The following REV3L variants were observed in gnomAD, a reference collection of about 807,000 sequenced individuals.
The protein encoded by REV3L is REV3 like, DNA directed polymerase zeta catalytic subunit.
A neutral mutation model predicts 299.4 loss-of-function variants in REV3L; 69 were observed. The ratio of observed to expected loss-of-function variants is 0.23; its 90% CI spans 0.19 to 0.28. The LOEUF is 0.28. Ranked by LOEUF, REV3L falls within the 10% of genes least tolerant of loss-of-function variation. REV3L has a pLI of 1.00. For synonymous variants in REV3L, 1,238 were observed against 1,271.4 expected, an observed-to-expected ratio of 0.97 and a Z score of 0.56; for missense variants, 3,128 against 3,693.8, an observed-to-expected ratio of 0.85 and a Z score of 3.97.
chr6:111,400,869 A>G (rs977686093), intron 4 of REV3L, among the ~76,000 whole-genome samples: 1 of 152,114 alleles, frequency 6.6e-6, no homozygotes, highest in African/African-American at 2.4e-5. Context: ...AAGTATTTTA[A>G]TTATTATTTA....
At chr6:111,446,562 G>A (rs758078541) in intron 1 of REV3L, among the ~76,000 whole-genome samples, 4 of 152,104 alleles carry the variant, frequency 2.6e-5, no homozygotes, top group African/African-American at 4.8e-5. Flanking sequence ...TTAGCCAGGC[G>A]AGTTGGCAGG....
chr6:111,388,738 A>G (rs1281323355), intron 7 of REV3L, among the ~76,000 whole-genome samples: 4 of 152,184 alleles, frequency 2.6e-5, no homozygotes, highest in Non-Finnish European at 5.9e-5. Context: ...TCAAAGCTTA[A>G]TGTATTAAAC....
chr6:111,453,490 G>A (rs575043432), intron 1 of REV3L, among the ~76,000 whole-genome samples: 37 of 152,174 alleles, frequency 2.4e-4, no homozygotes, highest in Middle Eastern at 3.4e-3. Flanking sequence ...CAGTCATCCT[G>A]GACTTGGATA....
At chr6:111,320,257 G>C (rs966780687) in intron 26 of REV3L, among the ~76,000 whole-genome samples, 3 of 151,864 alleles carry the variant, frequency 2.0e-5, no homozygotes, top group African/African-American at 7.3e-5. Context: ...TAGTAGAGAT[G>C]GCGTTCTCCA....
chr6:111,344,056 G>A lies in REV3L; in HGVS notation c.7420-13C>T. ...TAGTTAGAGCCACCTAAAAAAAAAG[G>A]CAAGACACCATTATAATAATGCTTA... is the stretch of plus-strand genomic sequence containing the variant. On this transcript the variant is annotated splice_polypyrimidine_tract_variant and intron_variant, in intron 20 of 31. Coordinates refer to ENST00000368802, the MANE Select transcript of REV3L (RefSeq NM_001372078.1). The A allele has an allele frequency of 6.5e-7, 1 of 1,536,304 alleles. No homozygotes were observed. Among genetic ancestry groups the A allele is most frequent in the African/African-American group, 1.4e-5 (1 of 72,370 alleles).
chr6:111,412,289 G>A, intron 2 of REV3L: 1 of 985,012 alleles, frequency 1.0e-6, no homozygotes. Context: ...TTTTCTCGGG[G>A]TATCAGCTGG....
chr6:111,377,914 CTAAGTTAACTCTATAA>C (rs1780473680), intron 11 of REV3L, 71 bp from the exon 12 acceptor site: 1 of 1,227,600 alleles, frequency 8.1e-7, no homozygotes, highest in African/African-American at 1.5e-5. Context: ...AATAATGCAT[CTAAGTTAACTCTATAA>C]TAATGTATCT....
At chr6:111,480,280 A>T (rs530076130) in intron 1 of REV3L, among the ~76,000 whole-genome samples, 1 of 152,358 alleles carries the variant, frequency 6.6e-6, no homozygotes, top group African/African-American at 2.4e-5. Flanking sequence ...GTTAGTAAAG[A>T]TATAAACTAT....
rs200075016 is a variant in REV3L at position 111,351,733 on chromosome 6, A to G, written c.7243T>C (p.Leu2415=). ...EIQMHSWGYL[L]QRAAALSIDL... is the part of the protein sequence containing the mutation. Reference sequence around the variant, plus strand: ...ATACTTAAAGCGGCAGCCCTTTGTAAGAGGTAACCCCAGGAATGCATCTGA... The same window carrying G: ...ATACTTAAAGCGGCAGCCCTTTGTAGGAGGTAACCCCAGGAATGCATCTGA... The change falls in exon 19 of 32, where the codon TTA becomes CTA. Residue 2415 remains leucine (L), a synonymous_variant. Coordinates refer to ENST00000368802, the MANE Select transcript of REV3L (RefSeq NM_001372078.1). 1.5e-5 allele frequency: 25 copies of G among 1,613,884 alleles called. No homozygotes were observed. The East Asian group carries it at 5.4e-4, about 35-fold the overall frequency.
At chr6:111,436,824 A>T (rs1046805696) in intron 1 of REV3L, among the ~76,000 whole-genome samples, 3 of 152,238 alleles carry the variant, frequency 2.0e-5, no homozygotes, top group Non-Finnish European at 2.9e-5. Flanking sequence ...AGATGAGATG[A>T]ATATCCCAAT....
intron 1 of REV3L, among the ~76,000 whole-genome samples, chr6:111,425,067 A>G (rs959821544): frequency 6.6e-6 from 1 of 152,204 alleles, no homozygotes; most frequent in Non-Finnish European, 1.5e-5. Flanking sequence ...CTGCCCCAAC[A>G]TACTCACAGA....
At chr6:111,313,154 C>T (rs1434044573) in intron 28 of REV3L, 198 bp downstream of exon 28, 4 of 431,302 alleles carry the variant, frequency 9.3e-6, no homozygotes, top group East Asian at 7.9e-5. Flanking sequence ...CAAAGTGAGA[C>T]CCTGTCTCAA....
chr6:111,306,164 G>C (rs1157133838), intron 31 of REV3L, among the ~76,000 whole-genome samples: 1 of 152,174 alleles, frequency 6.6e-6, no homozygotes, highest in African/African-American at 2.4e-5. Flanking sequence ...CAGTAAAGCA[G>C]AGGAGATTAT....
intron 1 of REV3L, among the ~76,000 whole-genome samples, chr6:111,457,352 A>G (rs1159655125): frequency 2.0e-5 from 3 of 152,166 alleles, no homozygotes; most frequent in South Asian, 2.1e-4. Flanking sequence ...ACAGAAAACT[A>G]AAAACATAGC....
intron 2 of REV3L, among the ~76,000 whole-genome samples, chr6:111,411,758 G>A (rs1784275992): frequency 1.3e-5 from 2 of 152,092 alleles, no homozygotes; most frequent in South Asian, 4.1e-4. Flanking sequence ...TTTTTAAAAA[G>A]TGTAAAAAAT....
intron 1 of REV3L, among the ~76,000 whole-genome samples, chr6:111,457,180 T>C (rs1001520979): frequency 2.0e-5 from 3 of 151,982 alleles, no homozygotes; most frequent in African/African-American, 7.2e-5. Context: ...TTCTACATAG[T>C]TATAGGAGAG....
intron 1 of REV3L, among the ~76,000 whole-genome samples, chr6:111,424,703 T>A (rs1011058411): frequency 2.6e-5 from 4 of 152,220 alleles, no homozygotes; most frequent in African/African-American, 9.6e-5. Context: ...ACTATTGGAC[T>A]TGTCTGGCAG....
At chr6:111,445,993 A>T (rs1788785730) in intron 1 of REV3L, among the ~76,000 whole-genome samples, 1 of 152,204 alleles carries the variant, frequency 6.6e-6, no homozygotes, top group Non-Finnish European at 1.5e-5. Context: ...AGAAAAGAAC[A>T]ATGGAGACAG....
chr6:111,420,817 C>T (rs1785252904), intron 1 of REV3L, among the ~76,000 whole-genome samples: 1 of 152,146 alleles, frequency 6.6e-6, no homozygotes, highest in Non-Finnish European at 1.5e-5. Flanking sequence ...CTCTGAATTT[C>T]ATCTTTCACG....
Sources: gnomAD v4.1 joint callset for allele counts (sites outside exome capture counted in the v4.1 genomes callset) on GRCh38, gnomAD v4.1.1 for gene constraint, MANE v1.5 for transcripts, NCBI Gene and HGNC (gene_info 2026-07-23, HGNC 2026-07-21) for gene names.